BIN3: variants seen among roughly 807,000 people sequenced by gnomAD.
BIN3 encodes the protein bridging integrator 3.
BIN3 carries 41 observed loss-of-function variants against 38.2 expected under a neutral mutation model. The ratio of observed to expected loss-of-function variants is 1.07; its 90% CI spans 0.84 to 1.39. The LOEUF (loss-of-function observed/expected upper bound fraction) is 1.39, where lower values mean the gene tolerates loss of function less well. Ranked by LOEUF, BIN3 falls within the 40% of genes most tolerant of loss-of-function variation. The pLI is 0.00. For missense variants in BIN3, 361 were observed against 324.3 expected, an observed-to-expected ratio of 1.11 and a Z score of -0.87; for synonymous variants, 145 against 122.6, an observed-to-expected ratio of 1.18 and a Z score of -1.21.
rs7812678 is a variant in BIN3 at position 22,642,137 on chromosome 8, C to G, written c.57+2618G>C. Reference sequence around the variant, plus strand: ...CAGTTGGGTGCCTTGAGCCAAAAACCTCCTGAAACTCCCTGAAGATAACGT... The same window carrying G: ...CAGTTGGGTGCCTTGAGCCAAAAACGTCCTGAAACTCCCTGAAGATAACGT... On this transcript the variant is annotated intron_variant, in intron 2 of 8. Coordinates refer to ENST00000276416, the MANE Select transcript of BIN3 (RefSeq NM_018688.6). Among the ~76,000 whole-genome samples the G allele has an allele frequency of 4.1e-3, 619 of 152,318 alleles. 4 individuals are homozygous for G. The highest frequency in any genetic ancestry group is 0.014 in the African/African-American group (584 of 41,560).
At chr8:22,621,654 C>A (rs886438802) in intron 8 of BIN3, 86 bp from the exon 9 acceptor site, 5 of 1,377,372 alleles carry the variant, frequency 3.6e-6, no homozygotes, top group South Asian at 1.2e-5. Flanking sequence ...TCTCTGCTAC[C>A]CCCTGCCCTT....
chr8:22,665,993 C>T (rs754863182), intron 1 of BIN3, among the ~76,000 whole-genome samples: 6 of 152,066 alleles, frequency 3.9e-5, no homozygotes, highest in South Asian at 2.1e-4. Context: ...TTGACCAGGC[C>T]GCACTGTGAG....
intron 3 of BIN3, 124 bp from the exon 4 acceptor site, chr8:22,636,710 C>T (rs1010985506): frequency 1.3e-5 from 15 of 1,140,258 alleles, no homozygotes; most frequent in East Asian, 1.3e-4. Context: ...GGACTTTTCC[C>T]GCTGACTGAA....
At chr8:22,665,569 G>A (rs1050975748) in intron 1 of BIN3, among the ~76,000 whole-genome samples, 2 of 152,190 alleles carry the variant, frequency 1.3e-5, no homozygotes, top group Non-Finnish European at 2.9e-5. Context: ...CTTGAAGGAT[G>A]AGTAGATGCT....
At chr8:22,632,207 C>T (rs1217236482) in intron 4 of BIN3, among the ~76,000 whole-genome samples, 3 of 152,228 alleles carry the variant, frequency 2.0e-5, no homozygotes, top group South Asian at 2.1e-4. Flanking sequence ...GACATAAGGT[C>T]TGCCTCCCAG....
chr8:22,641,645 G>C (rs1373049489), intron 2 of BIN3, among the ~76,000 whole-genome samples: 1 of 152,128 alleles, frequency 6.6e-6, no homozygotes, highest in African/African-American at 2.4e-5. Context: ...GATTAACGAG[G>C]CTAAGGGCCC....
intron 1 of BIN3, among the ~76,000 whole-genome samples, chr8:22,663,752 C>G (rs1803320236): frequency 6.6e-6 from 1 of 152,210 alleles, no homozygotes. Context: ...CGCACAAACA[C>G]TCTTGACGCA....
At chr8:22,638,254 G>A (rs762546594) in intron 2 of BIN3, among the ~76,000 whole-genome samples, 30 of 152,150 alleles carry the variant, frequency 2.0e-4, no homozygotes, top group Non-Finnish European at 2.8e-4. Flanking sequence ...AGCACTCCAC[G>A]TTTGGATTTA....
chr8:22,665,165 G>C (rs957836452), intron 1 of BIN3, among the ~76,000 whole-genome samples: 1 of 152,206 alleles, frequency 6.6e-6, no homozygotes, highest in Non-Finnish European at 1.5e-5. Context: ...ATCAGAAGGA[G>C]TGGGGAGGAG....
intron 4 of BIN3, among the ~76,000 whole-genome samples, chr8:22,632,735 G>A (rs1296347076): frequency 4.3e-5 from 5 of 115,890 alleles, no homozygotes; most frequent in Non-Finnish European, 6.8e-5. Context: ...ACGGAGTTTC[G>A]CTCTTGTCAC....
chr8:22,653,175 G>A (rs990955015), intron 1 of BIN3, among the ~76,000 whole-genome samples: 5 of 152,168 alleles, frequency 3.3e-5, no homozygotes, highest in East Asian at 1.9e-4. Context: ...GAAGGAGGGC[G>A]TATTTTGAAT....
At chr8:22,633,570 A>G (rs1020357704) in intron 4 of BIN3, among the ~76,000 whole-genome samples, 2 of 152,232 alleles carry the variant, frequency 1.3e-5, no homozygotes, top group Non-Finnish European at 2.9e-5. Flanking sequence ...TTCTGAAAGA[A>G]AGGTCATCTT....
At chr8:22,636,852 A>G (rs963446334) in intron 3 of BIN3, 70 bp downstream of exon 3, 2 of 1,525,502 alleles carry the variant, frequency 1.3e-6, no homozygotes, top group Admixed American at 3.4e-5. Flanking sequence ...CGGGGCAGAC[A>G]GGTGAGACCT....
At chr8:22,661,799 T>C (rs865960754) in intron 1 of BIN3, among the ~76,000 whole-genome samples, 1 of 151,954 alleles carries the variant, frequency 6.6e-6, no homozygotes, top group East Asian at 1.9e-4. Context: ...TACATATATA[T>C]ACATTTTTTT....
chr8:22,657,434 G>A (rs556162341), intron 1 of BIN3, among the ~76,000 whole-genome samples: 1 of 152,254 alleles, frequency 6.6e-6, no homozygotes, highest in Non-Finnish European at 1.5e-5. Context: ...AGTACATTCA[G>A]TGGAGACCAA....
intron 6 of BIN3, chr8:22,629,638 C>G: frequency 2.3e-6 from 1 of 444,114 alleles, no homozygotes; most frequent in Non-Finnish European, 4.1e-6. Flanking sequence ...TCTGCTAGCT[C>G]CATTCAGCAA....
chr8:22,657,508 T>C (rs1803094242), intron 1 of BIN3, among the ~76,000 whole-genome samples: 2 of 152,146 alleles, frequency 1.3e-5, no homozygotes, highest in Admixed American at 1.3e-4. Context: ...GTACGATGGG[T>C]CAAGGGAAAA....
In BIN3 at chr8:22,621,521, A is replaced by C; in HGVS notation, c.663T>G (p.His221Gln). The C allele has an allele frequency of 6.2e-7, 1 of 1,613,850 alleles. No individual in the cohort carries two copies. Among genetic ancestry groups the C allele is most frequent in the Non-Finnish European group, 8.5e-7 (1 of 1,179,876 alleles). ...EMHKIFGDLS[H>Q]QLDQPGHSDE... The stretch of plus-strand genomic sequence containing the variant: ...CGGAGTGGCCTGGCTGGTCAAGCTG[A>C]TGGGACAGGTCTCCAAAGATCTTGT... Residue 221 changes from histidine (H) to glutamine (Q), a missense_variant, in exon 9 of 9, where the codon CAT becomes CAG. Physicochemically the swap from His to Gln is conservative, Grantham distance 24. Transcript: ENST00000276416.
intron 1 of BIN3, among the ~76,000 whole-genome samples, chr8:22,665,401 C>T (rs1243586564): frequency 6.6e-6 from 1 of 152,154 alleles, no homozygotes; most frequent in Non-Finnish European, 1.5e-5. Context: ...GCAATGACCA[C>T]AAGACAGTCC....
Sources: allele counts gnomAD v4.1 joint callset (sites outside exome capture counted in the v4.1 genomes callset), GRCh38; gene constraint gnomAD v4.1.1; transcripts MANE v1.5; gene names NCBI Gene and HGNC (gene_info 2026-07-23, HGNC 2026-07-21).